HDLBP: variants seen among roughly 807,000 people sequenced by gnomAD.
The protein encoded by HDLBP is high density lipoprotein binding protein, also known as vigilin.
A neutral mutation model predicts 137.3 loss-of-function variants in HDLBP; 30 were observed. That is an observed-to-expected ratio of 0.22 (90% confidence interval 0.16 to 0.30). The LOEUF is 0.30. Among genes scored for constraint, HDLBP ranks in the 10% least tolerant of loss-of-function variants. The pLI is 1.00. For missense variants in HDLBP, 1,119 were observed against 1,667.3 expected, an observed-to-expected ratio of 0.67 and a Z score of 5.73; for synonymous variants, 606 against 596.0, an observed-to-expected ratio of 1.02 and a Z score of -0.24.
chr2:241,272,850 C>T lies in HDLBP; in HGVS notation c.-102-4309G>A, dbSNP rs1574996888. The T allele has an allele frequency of 3.3e-6, 1 of 300,980 alleles. No homozygotes were observed. The highest frequency in any genetic ancestry group is 4.9e-6 in the Non-Finnish European group (1 of 204,634). The allele number at this position is 300,980 out of a possible 1,614,324, so 18.6% of individuals were successfully genotyped here. ...ACGCTCCGAGGCGCGGCGCCCGGGC[C>T]CCGGCTGCTATATAGGGCGGCGGCC... On this transcript the variant is annotated intron_variant, in intron 1 of 27. Transcript: ENST00000310931. This position sits in a 1 kb window ranked among gnomAD's most constrained non-coding sequence, Gnocchi z 5.6.
chr2:241,239,170 T>C lies in HDLBP; in HGVS notation c.2611-383A>G, dbSNP rs532308166. ...GGGGACACTCTCTAAAGACTGCTTC[T>C]AAAGACCACGTCTTCTCATGACTTC... On this transcript the variant is annotated intron_variant, in intron 19 of 27. Transcript: ENST00000310931. This position sits in a 1 kb window ranked among gnomAD's most constrained non-coding sequence, Gnocchi z 4.6. Among the ~76,000 whole-genome samples the C allele has an allele frequency of 6.6e-6, 1 of 152,334 alleles. No individual in the cohort carries two copies. Among genetic ancestry groups the C allele is most frequent in the South Asian group, 2.1e-4 (1 of 4,826 alleles).
At chr2:241,232,054 C>A (rs2069827020) in intron 24 of HDLBP, among the ~76,000 whole-genome samples, 1 of 152,184 alleles carries the variant, frequency 6.6e-6, no homozygotes, top group Non-Finnish European at 1.5e-5. Flanking sequence ...CAAGAAGCTT[C>A]TGTCCAGATT....
rs145601546 is a variant in HDLBP, at chr2:241,231,633, TGCTGGAG to T, written c.3289-696_3289-690del. Among the ~76,000 whole-genome samples, 1,139 of 152,198 alleles carry T rather than the reference TGCTGGAG, an allele frequency of 7.5e-3. 12 individuals are homozygous for T. The highest frequency in any genetic ancestry group is 0.026 in the African/African-American group (1,064 of 41,518). On this transcript the variant is annotated intron_variant, in intron 24 of 27. Transcript: ENST00000310931. ...GGGCCACAGTCTGGAGGCATCTTTG[TGCTGGAG>T]GCTGGAGGCTGGCTGGCATTCCTCA...
At position 241,264,521 on chromosome 2, in the gene HDLBP, A is replaced by C; in HGVS notation, c.161T>G (p.Leu54Arg). 1.2e-6 allele frequency: 2 copies of C among 1,613,570 alleles called. No homozygotes were observed. The highest frequency in any genetic ancestry group is 1.7e-6 in the Non-Finnish European group (2 of 1,179,584). Reference protein sequence around the residue: ...FPPLPEKAACLESAQEPAGAW... With the variant: ...FPPLPEKAACRESAQEPAGAW... ...TCCAGCGGGTTCCTGGGCACTTTCC[A>C]GGCAAGCAGCTTTCTCAGGAAGTGG... is the stretch of plus-strand genomic sequence containing the variant. The change falls in exon 4 of 28, where the codon CTG (leucine) becomes CGG (arginine). Residue 54 changes from leucine (L) to arginine (R), a missense_variant. By Grantham distance (102) the Leu-to-Arg change is moderately radical. This residue lies in a region of HDLBP where 59 missense variants were observed against 92.4 expected (regional missense o/e 0.64). Transcript: ENST00000310931.
chr2:241,313,378 C>T (rs2075814373), intron 1 of HDLBP, among the ~76,000 whole-genome samples: 1 of 152,170 alleles, frequency 6.6e-6, no homozygotes, highest in Non-Finnish European at 1.5e-5. Flanking sequence ...CTCCTGGGTT[C>T]AAGCGATTCT....
chr2:241,253,128 GA>G, intron 10 of HDLBP, 93 bp from the exon 11 acceptor site: 1 of 857,748 alleles, frequency 1.2e-6, no homozygotes, highest in African/African-American at 1.7e-5. Flanking sequence ...TGCCTTTTCT[GA>G]CCACTCAGCT....
Position 241,239,543 on chromosome 2 carries a change from G to A in HDLBP, c.2610+59C>T, listed in dbSNP as rs576062313. The A allele has an allele frequency of 2.8e-5, 39 of 1,410,082 alleles. No individual in the cohort carries two copies. The highest frequency in any genetic ancestry group is 1.5e-4 in the Admixed American group (9 of 58,924). 87.3% of individuals were successfully genotyped at this position (1,410,082 alleles called of 1,614,324 possible). On this transcript the variant is annotated intron_variant, in intron 19 of 27. Coordinates refer to ENST00000310931, the MANE Select transcript of HDLBP (RefSeq NM_005336.6). The surrounding 1 kb of genome is among the most constrained non-coding windows in gnomAD (Gnocchi z 4.6). ...CAGGGTGGAGCGAACACTCATACAC[G>A]GCTTCGGTGAGTGGCCACTGGGGGG...
intron 17 of HDLBP, among the ~76,000 whole-genome samples, chr2:241,241,461 G>A (rs1432896437): frequency 6.6e-6 from 1 of 150,776 alleles, no homozygotes; most frequent in Non-Finnish European, 1.5e-5. Flanking sequence ...CAGCTACTCG[G>A]GAGGCTGAGG....
intron 1 of HDLBP, among the ~76,000 whole-genome samples, chr2:241,308,066 T>G (rs549379207): frequency 3.4e-4 from 52 of 152,334 alleles, no homozygotes; most frequent in African/African-American, 1.2e-3. Context: ...CAACACCTGA[T>G]TACAGAATAC....
rs529538909 is a variant in HDLBP at position 241,243,976 on chromosome 2, A to C, written c.1951-1298T>G. 2.9e-4 allele frequency among the ~76,000 whole-genome samples: 44 copies of C among 152,338 alleles called. No homozygotes were observed. The East Asian group carries it at 8.1e-3, about 28-fold the overall frequency. On this transcript the variant is annotated intron_variant, in intron 16 of 27. Coordinates refer to ENST00000310931, the MANE Select transcript of HDLBP (RefSeq NM_005336.6). ...TAGAATCAGCCAGCCAAGGACAGAA[A>C]AACAGGTATTTAACTGTATTGTCTA...
intron 1 of HDLBP, among the ~76,000 whole-genome samples, chr2:241,300,490 A>G (rs1265940621): frequency 6.6e-6 from 1 of 152,216 alleles, no homozygotes; most frequent in Non-Finnish European, 1.5e-5. Flanking sequence ...CACCACTTCA[A>G]GACTGGGGGC....
At chr2:241,268,085 G>A (rs534516311) in intron 2 of HDLBP, 59 of 466,986 alleles carry the variant, frequency 1.3e-4, no homozygotes, top group Non-Finnish European at 1.6e-4. Context: ...TCAATTACTC[G>A]CACAACAAGG....
chr2:241,272,701 A>C lies in HDLBP; in HGVS notation c.-102-4160T>G, dbSNP rs1400039428. 6 of 583,096 alleles carry C rather than the reference A, an allele frequency of 1.0e-5. No individual in the cohort carries two copies. Among genetic ancestry groups the C allele is most frequent in the Admixed American group, 1.8e-4 (1 of 5,510 alleles). 36.1% of individuals were successfully genotyped at this position (583,096 alleles called of 1,614,324 possible). ...GCCACCCCCCACCCCCCCGCCCGGC[A>C]GCCCGCCCGCCCCGTCCGCCCGCCC... On this transcript the variant is annotated intron_variant, in intron 1 of 27. Transcript: ENST00000310931. The surrounding 1 kb of genome is among the most constrained non-coding windows in gnomAD (Gnocchi z 5.6).
At chr2:241,276,393 T>C (rs1395022643) in intron 1 of HDLBP, among the ~76,000 whole-genome samples, 1 of 152,066 alleles carries the variant, frequency 6.6e-6, no homozygotes, top group Non-Finnish European at 1.5e-5. Flanking sequence ...GTATTAATAA[T>C]TGTTAAAGAA....
chr2:241,298,145 G>A (rs2075257073), intron 1 of HDLBP, among the ~76,000 whole-genome samples: 1 of 148,156 alleles, frequency 6.7e-6, no homozygotes, highest in South Asian at 2.2e-4. Context: ...GCAGGAGGCT[G>A]CCTGAGCTCA....
chr2:241,272,562 CCGGAACCGCCACGCGCGGTAAGCAGGACA>C lies in HDLBP; in HGVS notation c.-102-4050_-102-4022del. 1.0e-6 allele frequency: 1 copy of C among 984,414 alleles called. No homozygotes were observed. 61.0% of individuals were successfully genotyped at this position (984,414 alleles called of 1,614,324 possible). On this transcript the variant is annotated intron_variant, in intron 1 of 27. Coordinates refer to ENST00000310931, the MANE Select transcript of HDLBP (RefSeq NM_005336.6). The surrounding 1 kb of genome is among the most constrained non-coding windows in gnomAD (Gnocchi z 5.6). ...ACTCGGAGCCGGCCCCAGGTCTGGCCCGGAACCGCCACGCGCGGTAAGCAGGACACCCGCGGGCGGGGGCCGCAGCCTGG... is the reference window on the plus strand; with the variant it reads ...ACTCGGAGCCGGCCCCAGGTCTGGCCCCCGCGGGCGGGGGCCGCAGCCTGG...
rs1435590692 is a variant in HDLBP, at chr2:241,256,648, C to T, written c.609G>A (p.Glu203=). Residue 203 remains glutamate (E), a synonymous_variant, in exon 6 of 28, where the codon GAG becomes GAA. Transcript: ENST00000310931. The part of the protein sequence containing the change: ...SNQIKITGTK[E]GIEKARHEVL... ...CTTCATGGCGAGCTTTCTCGATGCC[C>T]TCTTTGGTGCCAGTGATCTTGATCT... 1.2e-6 allele frequency: 2 copies of T among 1,614,164 alleles called. No individual in the cohort carries two copies. Among genetic ancestry groups the T allele is most frequent in the Non-Finnish European group, 1.7e-6 (2 of 1,180,036 alleles).
Position 241,236,862 on chromosome 2 carries a change from G to A in HDLBP, c.2750-93C>T. 2.9e-6 allele frequency: 4 copies of A among 1,358,124 alleles called. No homozygotes were observed. In the South Asian group the frequency reaches 4.0e-5, roughly 14 times the overall value. The allele number at this position is 1,358,124 out of a possible 1,614,324, so 84.1% of individuals were successfully genotyped here. A position where few individuals can be genotyped will look rare whatever the true frequency, so the allele number is the denominator to read the frequency against. ...CATATGTCTGTGAGGCACCTGCTGG[G>A]TGCTGGGTGGTAAAAGGGAGGGAAA... is the stretch of plus-strand genomic sequence containing the variant. On this transcript the variant is annotated intron_variant, in intron 20 of 27. Coordinates refer to ENST00000310931, the MANE Select transcript of HDLBP (RefSeq NM_005336.6).
chr2:241,300,964 ATTATTATTATTAT>A (rs2075375790), intron 1 of HDLBP, among the ~76,000 whole-genome samples: 1 of 143,818 alleles, frequency 7.0e-6, no homozygotes, highest in Non-Finnish European at 1.5e-5. Flanking sequence ...TATTATTATT[ATTATTATTATTAT>A]TATTATTATT....
Sources: allele counts gnomAD v4.1 joint callset (sites outside exome capture counted in the v4.1 genomes callset), GRCh38; gene constraint gnomAD v4.1.1; regional missense constraint gnomAD v4.1.1; non-coding constraint Gnocchi (gnomAD v3.1); transcripts MANE v1.5; gene names NCBI Gene and HGNC (gene_info 2026-07-23, HGNC 2026-07-21).